NSD2: variants seen among roughly 807,000 people sequenced by gnomAD.
NSD2 encodes nuclear receptor binding SET domain protein 2.
NSD2 carries 12 observed loss-of-function variants against 139.0 expected under a neutral mutation model. The ratio of observed to expected loss-of-function variants is 0.09; its 90% CI spans 0.06 to 0.14. The LOEUF (loss-of-function observed/expected upper bound fraction) is 0.14. Ranked by LOEUF, NSD2 falls within the 10% of genes least tolerant of loss-of-function variation. The pLI is 1.00. For missense variants in NSD2, 1,155 were observed against 1,745.0 expected, an observed-to-expected ratio of 0.66 and a Z score of 6.02; for synonymous variants, 669 against 648.7, an observed-to-expected ratio of 1.03 and a Z score of -0.48.
In NSD2 at chr4:1,901,124, A is replaced by G; in HGVS notation, c.470A>G (p.Asn157Ser). The change falls in exon 2 of 22, where the codon AAT (asparagine) becomes AGT (serine). Residue 157 changes from asparagine (N) to serine (S), a missense_variant. Asn to Ser is a conservative substitution (Grantham distance 46, BLOSUM62 1). This residue lies in a region of NSD2 where 246 missense variants were observed against 262.8 expected (regional missense o/e 0.94). Transcript: ENST00000508803. ...GCTGATGTGTCTCAGTCAGAAGAAA[A>G]TGGACAAAAACCAGAAAACAAGGCG... ...SAADVSQSEENGQKPENKARR... is the reference protein window; with the variant it reads ...SAADVSQSEESGQKPENKARR... 6.2e-7 allele frequency: 1 copy of G among 1,614,202 alleles called. No homozygotes were observed. The highest frequency in any genetic ancestry group is 8.5e-7 in the Non-Finnish European group (1 of 1,180,042).
At chr4:1,938,400 T>TTTTTTTTTTTTTG in intron 7 of NSD2, 51 bp from the exon 8 acceptor site, 1 of 1,257,810 alleles carries the variant, frequency 8.0e-7, no homozygotes, top group Non-Finnish European at 1.0e-6. Context: ...TTTTTTCTTT[T>TTTTTTTTTTTTTG]CTTTTTTTTT....
chr4:1,961,425 G>C lies in NSD2; in HGVS notation c.3372+274G>C, dbSNP rs183364620. Among the ~76,000 whole-genome samples the C allele has an allele frequency of 6.4e-3, 976 of 152,328 alleles. 17 individuals carry two copies. The highest frequency in any genetic ancestry group is 7.4e-3 in the Non-Finnish European group (505 of 68,010). ...TTCCCAGCAGCCTTAGTACAGGGCA[G>C]GGAAGTAGAGAGGACACAGATGAGG... On this transcript the variant is annotated intron_variant, in intron 18 of 21. Transcript: ENST00000508803.
chr4:1,940,144 T>C (rs975177324), intron 9 of NSD2: 3 of 1,137,286 alleles, frequency 2.6e-6, no homozygotes, highest in Admixed American at 4.2e-5. Context: ...AAGGGCACAG[T>C]GTCAGTTGAG....
rs60480173 is a variant in NSD2, at chr4:1,953,289, C to T, written c.2138-35C>T. 9,391 of 1,614,150 alleles carry T rather than the reference C, an allele frequency of 5.8e-3. 436 individuals carry two copies. The African/African-American group carries it at 0.11, about 19-fold the overall frequency. ...TGCAATTTAATTCTTGTTCTTTGCA[C>T]CTCTCTCTCCACCCCTTCTTTAACT... On this transcript the variant is annotated intron_variant, in intron 11 of 21. Transcript: ENST00000508803.
chr4:1,945,814 T>A (rs1723570513), intron 9 of NSD2: 1 of 1,064,076 alleles, frequency 9.4e-7, no homozygotes, highest in Admixed American at 5.4e-5. Flanking sequence ...CGGATTCCCC[T>A]CGCTGGAGAG....
rs565909301 is a variant in NSD2, at chr4:1,973,717, C to T, written c.3373-1146C>T. ...GCGTGGGCAGTTGTGTCAGAGGCCG[C>T]GTGTGAATAGTGACTCCGAAGCCTG... On this transcript the variant is annotated intron_variant, in intron 18 of 21. Transcript: ENST00000508803. The surrounding 1 kb of genome is among the most constrained non-coding windows in gnomAD (Gnocchi z 5.5). Among the ~76,000 whole-genome samples the T allele has an allele frequency of 3.3e-5, 5 of 152,232 alleles. No homozygotes were observed. The highest frequency in any genetic ancestry group is 5.9e-5 in the Non-Finnish European group (4 of 68,050).
intron 20 of NSD2, chr4:1,975,610 C>T: frequency 1.8e-6 from 1 of 555,122 alleles, no homozygotes; most frequent in Non-Finnish European, 3.2e-6. Context: ...CCTGGGGCTG[C>T]CAGAACAATG....
At chr4:1,924,608 T>C (rs1478939348) in intron 5 of NSD2, among the ~76,000 whole-genome samples, 2 of 152,046 alleles carry the variant, frequency 1.3e-5, no homozygotes, top group African/African-American at 4.8e-5. Context: ...ACTGAAGGTA[T>C]ACAGTTAAAA....
intron 9 of NSD2, chr4:1,944,596 T>G (rs1445385074): frequency 9.4e-7 from 1 of 1,063,606 alleles, no homozygotes; most frequent in East Asian, 5.1e-5. Context: ...TGTCAGAATA[T>G]ATAAAAGCTT....
intron 7 of NSD2, among the ~76,000 whole-genome samples, chr4:1,938,175 C>T (rs1015970206): frequency 6.6e-6 from 1 of 152,132 alleles, no homozygotes; most frequent in African/African-American, 2.4e-5. Context: ...ACCTCGCCCT[C>T]CTGACAGATG....
chr4:1,929,856 G>C (rs1721425875), intron 5 of NSD2, among the ~76,000 whole-genome samples: 1 of 152,070 alleles, frequency 6.6e-6, no homozygotes, highest in Non-Finnish European at 1.5e-5. Flanking sequence ...CCGGTGGGTT[G>C]GGTTGATCTT....
In NSD2 at chr4:1,947,187, G is replaced by C. The variant is rs1723724766; in HGVS notation, c.1882-3885G>C. The C allele has an allele frequency of 2.8e-6, 3 of 1,064,618 alleles. No homozygotes were observed. In the South Asian group the frequency reaches 1.4e-4, roughly 48 times the overall value. 65.9% of individuals were successfully genotyped at this position (1,064,618 alleles called of 1,614,324 possible). A position where few individuals can be genotyped will look rare whatever the true frequency, so the allele number is the denominator to read the frequency against. ...CTCCTCCCCAGCACACTCCCTGTGGGATGGCCGCTGCTCAGGACACAGTGG... is the reference window on the plus strand; with the variant it reads ...CTCCTCCCCAGCACACTCCCTGTGGCATGGCCGCTGCTCAGGACACAGTGG... On this transcript the variant is annotated intron_variant, in intron 9 of 21. Transcript: ENST00000508803.
At chr4:1,873,796 A>G (rs1714048193) in intron 1 of NSD2, among the ~76,000 whole-genome samples, 1 of 71,882 alleles carries the variant, frequency 1.4e-5, no homozygotes, top group Non-Finnish European at 4.8e-5. Context: ...CAAGAACTTA[A>G]AAGAAGTGCT....
At chr4:1,961,762 G>T (rs1032610508) in intron 18 of NSD2, among the ~76,000 whole-genome samples, 1 of 152,214 alleles carries the variant, frequency 6.6e-6, no homozygotes, top group Non-Finnish European at 1.5e-5. Flanking sequence ...CTTCCAGGGC[G>T]GCTCCTTCAA....
chr4:1,915,143 T>C (rs1719209574), intron 3 of NSD2, among the ~76,000 whole-genome samples: 1 of 135,840 alleles, frequency 7.4e-6, no homozygotes, highest in African/African-American at 2.9e-5. Context: ...TGAGACGGAG[T>C]CTGGCTCTGT....
intron 18 of NSD2, among the ~76,000 whole-genome samples, chr4:1,971,655 A>G (rs879481260): frequency 2.0e-5 from 3 of 152,152 alleles, no homozygotes; most frequent in Admixed American, 6.5e-5. Context: ...GTATGTGAAC[A>G]TGGGAGGAGG....
chr4:1,891,235 A>T (rs1414139239), intron 1 of NSD2, among the ~76,000 whole-genome samples: 1 of 152,216 alleles, frequency 6.6e-6, no homozygotes, highest in Admixed American at 6.5e-5. Context: ...TTCTACCATC[A>T]TTCAGTGATA....
At chr4:1,885,756 C>T (rs999010628) in intron 1 of NSD2, among the ~76,000 whole-genome samples, 1 of 152,054 alleles carries the variant, frequency 6.6e-6, no homozygotes, top group Non-Finnish European at 1.5e-5. Context: ...ACCCAGAGAT[C>T]TCTGCACCGG....
At chr4:1,898,012 T>A (rs983442861) in intron 1 of NSD2, among the ~76,000 whole-genome samples, 1 of 151,358 alleles carries the variant, frequency 6.6e-6, no homozygotes, top group Non-Finnish European at 1.5e-5. Context: ...TATTTTTGCC[T>A]TTTTTTTTCC....
Sources: allele counts gnomAD v4.1 joint callset (sites outside exome capture counted in the v4.1 genomes callset), GRCh38; gene constraint gnomAD v4.1.1; regional missense constraint gnomAD v4.1.1; non-coding constraint Gnocchi (gnomAD v3.1); transcripts MANE v1.5; gene names NCBI Gene and HGNC (gene_info 2026-07-23, HGNC 2026-07-21).